The following CTNNA3 variants were observed in gnomAD, a reference collection of about 807,000 sequenced individuals.
The protein encoded by CTNNA3 is catenin alpha 3, also known as catenin alpha-3.
A neutral mutation model predicts 95.7 loss-of-function variants in CTNNA3; 76 were observed. The observed-to-expected ratio is 0.79, with a 90% confidence interval of 0.66 to 0.96. CTNNA3 has a LOEUF of 0.96. Among genes scored for constraint, CTNNA3 ranks in the 40% least tolerant of loss-of-function variants. The pLI is 0.00. For missense variants in CTNNA3, 1,191 were observed against 1,089.8 expected (o/e 1.09, Z -1.31); for synonymous variants, 431 against 374.4 (o/e 1.15, Z -1.74).
chr10:67,397,474 A>G (rs761933312), intron 5 of CTNNA3, among the ~76,000 whole-genome samples: 3 of 152,184 alleles, frequency 2.0e-5, no homozygotes, highest in Non-Finnish European at 2.9e-5. Flanking sequence ...TATCTGGCAG[A>G]ATAAATTTCT....
intron 3 of CTNNA3, among the ~76,000 whole-genome samples, chr10:67,568,067 T>G (rs1475572026): frequency 6.6e-6 from 1 of 152,156 alleles, no homozygotes; most frequent in East Asian, 1.9e-4. Context: ...AGCCAGAAAC[T>G]AGGGGACTTT....
chr10:66,732,008 GT>G (rs1467093680), intron 9 of CTNNA3, among the ~76,000 whole-genome samples: 6 of 152,160 alleles, frequency 3.9e-5, no homozygotes, highest in Non-Finnish European at 8.8e-5. Context: ...CAAACTAATA[GT>G]AACAAAAACA....
chr10:67,436,916 G>A (rs2132916155), intron 5 of CTNNA3, among the ~76,000 whole-genome samples: 1 of 152,284 alleles, frequency 6.6e-6, no homozygotes, highest in African/African-American at 2.4e-5. Context: ...ACAGTATGGA[G>A]ATTTCTTAAA....
intron 7 of CTNNA3, among the ~76,000 whole-genome samples, chr10:66,916,561 G>C (rs1846504012): frequency 6.6e-6 from 1 of 152,116 alleles, no homozygotes. Flanking sequence ...CCATTTCTCA[G>C]ACTCACCTAT....
Position 67,358,041 on chromosome 10 carries a change from T to C in CTNNA3, c.580-138171A>G, listed in dbSNP as rs536494784. Among the ~76,000 whole-genome samples, 63 of 152,182 alleles carry C rather than the reference T, an allele frequency of 4.1e-4. 1 individual carries two copies. In the South Asian group the frequency reaches 0.013, roughly 32 times the overall value. On this transcript the variant is annotated intron_variant, in intron 5 of 17. Coordinates refer to ENST00000433211, the MANE Select transcript of CTNNA3 (RefSeq NM_013266.4). Reference sequence around the variant, plus strand: ...GCAAAGCAATTTGATGAGAAAAGGATAATATTTTCAATAAGCCATGCTGGA... The same window carrying C: ...GCAAAGCAATTTGATGAGAAAAGGACAATATTTTCAATAAGCCATGCTGGA...
intron 12 of CTNNA3, among the ~76,000 whole-genome samples, chr10:66,281,077 T>G (rs2091483421): frequency 1.3e-5 from 2 of 151,956 alleles, no homozygotes; most frequent in South Asian, 2.1e-4. Flanking sequence ...AGAAGAAAAT[T>G]TAGCTAAAAG....
At chr10:65,924,197 G>A (rs745406571) in intron 17 of CTNNA3, among the ~76,000 whole-genome samples, 1 of 152,084 alleles carries the variant, frequency 6.6e-6, no homozygotes, top group Non-Finnish European at 1.5e-5. Flanking sequence ...TCTTTCCCAT[G>A]TAGAGCCAGC....
chr10:67,116,727 T>C (rs903752067), intron 7 of CTNNA3, among the ~76,000 whole-genome samples: 2 of 144,234 alleles, frequency 1.4e-5, no homozygotes, highest in Admixed American at 7.0e-5. Flanking sequence ...TGAAAATATA[T>C]ATATATATAT....
At chr10:66,765,762 G>T (rs1194062555) in intron 9 of CTNNA3, among the ~76,000 whole-genome samples, 17 of 152,078 alleles carry the variant, frequency 1.1e-4, no homozygotes, top group African/African-American at 7.2e-5. Context: ...GGGAATAATA[G>T]TTTTATGGTC....
chr10:67,003,518 G>A (rs1234695379), intron 7 of CTNNA3, among the ~76,000 whole-genome samples: 2 of 152,046 alleles, frequency 1.3e-5, no homozygotes, highest in East Asian at 3.9e-4. Context: ...CCAATCCTTA[G>A]GATTCTCCTA....
At chr10:67,101,480 T>C (rs1199084716) in intron 7 of CTNNA3, among the ~76,000 whole-genome samples, 1 of 151,726 alleles carries the variant, frequency 6.6e-6, no homozygotes, top group African/African-American at 2.4e-5. Context: ...TAAAATATAA[T>C]TTATCCAAAT....
chr10:67,026,983 C>T (rs1258460847), intron 7 of CTNNA3, among the ~76,000 whole-genome samples: 3 of 152,166 alleles, frequency 2.0e-5, no homozygotes, highest in Non-Finnish European at 4.4e-5. Flanking sequence ...ATTCTGGGTT[C>T]TCAGAAAATA....
At chr10:66,084,606 G>A (rs1442033066) in intron 14 of CTNNA3, among the ~76,000 whole-genome samples, 1 of 152,000 alleles carries the variant, frequency 6.6e-6, no homozygotes, top group Non-Finnish European at 1.5e-5. Flanking sequence ...TTAGAAAAAG[G>A]ACTCATCTTG....
intron 15 of CTNNA3, among the ~76,000 whole-genome samples, chr10:66,047,526 C>T (rs2079853704): frequency 6.6e-6 from 1 of 152,146 alleles, no homozygotes; most frequent in African/African-American, 2.4e-5. Flanking sequence ...CAACATTTTA[C>T]TAAATGGGCA....
chr10:66,285,149 C>A (rs1263048303), intron 12 of CTNNA3, among the ~76,000 whole-genome samples: 8 of 150,682 alleles, frequency 5.3e-5, no homozygotes, highest in Non-Finnish European at 1.2e-4. Context: ...ACAAGAGCAG[C>A]ACTTTTGACC....
intron 9 of CTNNA3, among the ~76,000 whole-genome samples, chr10:66,726,006 G>A (rs1848770858): frequency 6.6e-6 from 1 of 151,998 alleles, no homozygotes; most frequent in Admixed American, 6.6e-5. Flanking sequence ...AACAAAAGCG[G>A]TATGGGTGGA....
At chr10:66,357,734 A>T (rs1447362022) in intron 12 of CTNNA3, among the ~76,000 whole-genome samples, 1 of 152,120 alleles carries the variant, frequency 6.6e-6, no homozygotes, top group Non-Finnish European at 1.5e-5. Context: ...CTTTAGGGCT[A>T]TTAATAATGA....
chr10:67,074,381 C>A (rs1416292055), intron 7 of CTNNA3, among the ~76,000 whole-genome samples: 1 of 117,240 alleles, frequency 8.5e-6, no homozygotes, highest in Non-Finnish European at 1.7e-5. Context: ...GACGGAGTCT[C>A]GCTCTGTCGC....
chr10:66,028,467 C>A (rs910273824), intron 15 of CTNNA3, among the ~76,000 whole-genome samples: 1 of 151,986 alleles, frequency 6.6e-6, no homozygotes, highest in Non-Finnish European at 1.5e-5. Flanking sequence ...AAGCTGGAAA[C>A]CATCATTCTC....
Sources: allele counts gnomAD v4.1 joint callset (sites outside exome capture counted in the v4.1 genomes callset), GRCh38; gene constraint gnomAD v4.1.1; transcripts MANE v1.5; gene names NCBI Gene and HGNC (gene_info 2026-07-23, HGNC 2026-07-21).